The following DMD variants were observed in gnomAD, a reference collection of about 807,000 sequenced individuals.
DMD encodes the protein dystrophin, also known as mutant dystrophin.
In DMD, 63 loss-of-function variants were observed where a neutral mutation model predicts 330.1. The observed-to-expected ratio is 0.19, with a 90% CI of 0.16 to 0.24. The LOEUF is 0.24. Ranked by LOEUF, DMD falls within the 10% of genes least tolerant of loss-of-function variation. DMD has a pLI of 1.00. For missense variants in DMD, 3,344 were observed against 2,684.1 expected, an observed-to-expected ratio of 1.25 and a Z score of -5.43; for synonymous variants, 1,223 against 959.8, an observed-to-expected ratio of 1.27 and a Z score of -5.07.
intron 52 of DMD, among the ~76,000 whole-genome samples, chrX:31,688,577 C>T (rs1265569852): frequency 9.0e-6 from 1 of 111,673 alleles, no homozygotes; most frequent in African/African-American, 3.3e-5. Flanking sequence ...TAAAACTATT[C>T]CAATCAATAG....
chrX:31,146,204 A>G, intron 76 of DMD, 87 bp downstream of exon 76: 1 of 1,094,092 alleles, frequency 9.1e-7, no homozygotes, highest in Middle Eastern at 3.3e-4. Flanking sequence ...AGATGAGTCA[A>G]ACACTTACGG....
At chrX:33,257,478 G>A (rs1378379096) in intron 1 of DMD, among the ~76,000 whole-genome samples, 6 of 110,815 alleles carry the variant, frequency 5.4e-5, no homozygotes, top group Non-Finnish European at 7.6e-5. Flanking sequence ...TTTCAATGGT[G>A]GTTTATTCCA....
intron 63 of DMD, among the ~76,000 whole-genome samples, chrX:31,231,304 CAT>C (rs2047175630): frequency 9.1e-6 from 1 of 110,053 alleles, no homozygotes; most frequent in Non-Finnish European, 1.9e-5. Context: ...GTACAAATGA[CAT>C]ATTTAAATAC....
chrX:32,658,964 G>A (rs1184333809), intron 9 of DMD, among the ~76,000 whole-genome samples: 1 of 111,693 alleles, frequency 9.0e-6, no homozygotes, highest in African/African-American at 3.3e-5. Flanking sequence ...CTAATTTAGA[G>A]GGTAATTGTA....
At chrX:33,291,795 G>C (rs886361550) in intron 1 of DMD, among the ~76,000 whole-genome samples, 1 of 110,691 alleles carries the variant, frequency 9.0e-6, no homozygotes, top group Non-Finnish European at 1.9e-5. Flanking sequence ...AATAGTTTCT[G>C]GCCATGTTTC....
At chrX:32,423,701 G>GA (rs1247078094) in intron 29 of DMD, among the ~76,000 whole-genome samples, 1 of 110,601 alleles carries the variant, frequency 9.0e-6, no homozygotes, top group East Asian at 2.8e-4. Flanking sequence ...TACTTACAAA[G>GA]AAAAAATCCA....
intron 45 of DMD, 25 bp downstream of exon 45, chrX:31,968,314 A>G (rs766373311): frequency 5.0e-6 from 6 of 1,205,907 alleles, no homozygotes; most frequent in Non-Finnish European, 5.6e-6. Context: ...AAATGTTTTC[A>G]TTCCTATTAG....
chrX:32,760,598 C>T (rs1170863075), intron 7 of DMD, among the ~76,000 whole-genome samples: 1 of 111,722 alleles, frequency 9.0e-6, no homozygotes, highest in African/African-American at 3.3e-5. Flanking sequence ...TCAATAAATG[C>T]TTGGTGAATG....
intron 1 of DMD, among the ~76,000 whole-genome samples, chrX:33,247,005 C>G (rs2052675167): frequency 8.9e-6 from 1 of 111,820 alleles, no homozygotes; most frequent in African/African-American, 3.3e-5. Flanking sequence ...TCTTCAAACT[C>G]TGTTTTAGTA....
intron 48 of DMD, among the ~76,000 whole-genome samples, chrX:31,837,824 C>G (rs771384280): frequency 1.8e-5 from 2 of 112,384 alleles, no homozygotes; most frequent in African/African-American, 6.5e-5. Flanking sequence ...CTGCCCAGTA[C>G]AGTCTCTTGC....
At chrX:33,145,967 A>G (rs1174402405) in intron 1 of DMD, among the ~76,000 whole-genome samples, 1 of 109,884 alleles carries the variant, frequency 9.1e-6, no homozygotes, top group Non-Finnish European at 1.9e-5. Context: ...GCTCACTGCA[A>G]CCTCCACCTC....
chrX:32,960,416 C>T (rs924478584), intron 2 of DMD: 2 of 112,154 alleles, frequency 1.8e-5, no homozygotes, highest in Non-Finnish European at 3.8e-5. Context: ...TCTAGCCCCA[C>T]TTAAGGTGCA....
chrX:32,859,151 T>G (rs2149072552), intron 2 of DMD, among the ~76,000 whole-genome samples: 1 of 111,457 alleles, frequency 9.0e-6, no homozygotes. Flanking sequence ...CATCTCTTTC[T>G]TTGACCAAAT....
chrX:32,402,822 T>C (rs1569561272), intron 30 of DMD, among the ~76,000 whole-genome samples: 2 of 111,539 alleles, frequency 1.8e-5, no homozygotes, highest in East Asian at 2.8e-4. Flanking sequence ...ATTGGAAAAA[T>C]GGTTCTTCAC....
chrX:33,032,280 A>C (rs1169611559), intron 1 of DMD, among the ~76,000 whole-genome samples: 1 of 112,191 alleles, frequency 8.9e-6, no homozygotes, highest in Non-Finnish European at 1.9e-5. Flanking sequence ...TCTGTTCCTA[A>C]AAGGAGAGAT....
intron 23 of DMD, among the ~76,000 whole-genome samples, chrX:32,465,853 G>A (rs1347061076): frequency 9.0e-6 from 1 of 110,595 alleles, no homozygotes; most frequent in African/African-American, 3.3e-5. Context: ...CAGAGTGCTG[G>A]GATTATAGGC....
chrX:31,266,879 TTCCCAGAGCCGCCGGGCTC>T (rs774102583), intron 62 of DMD: 2 of 1,192,438 alleles, frequency 1.7e-6, no homozygotes, highest in Non-Finnish European at 2.3e-6. Context: ...AGGAGTGAGC[TTCCCAGAGCCGCCGGGCTC>T]CCCGAAAGTG....
intron 1 of DMD, among the ~76,000 whole-genome samples, chrX:33,123,427 T>G (rs961842909): frequency 1.9e-5 from 2 of 104,963 alleles, no homozygotes. Context: ...TTTCTTTTGT[T>G]TTTTTTTGAG....
chrX:32,688,591 T>A (rs1235169558), intron 9 of DMD, among the ~76,000 whole-genome samples: 1 of 111,820 alleles, frequency 8.9e-6, no homozygotes. Context: ...GAGGCTTTTC[T>A]CACATACACT....
Sources: allele counts gnomAD v4.1 joint callset (sites outside exome capture counted in the v4.1 genomes callset), GRCh38; gene constraint gnomAD v4.1.1; transcripts MANE v1.5; gene names NCBI Gene and HGNC (gene_info 2026-07-23, HGNC 2026-07-21).